Variants in PCSK6 observed in about 807,000 individuals in gnomAD.
PCSK6 encodes the protein paired basic amino acid cleaving enzyme 4.
Under a neutral mutation model 123.3 loss-of-function variants are expected in PCSK6, and 85 were observed. The ratio of observed to expected loss-of-function variants is 0.69; its 90% CI spans 0.58 to 0.83. The LOEUF is 0.83. Among genes scored for constraint, PCSK6 ranks in the 40% least tolerant of loss-of-function variants. The pLI is 0.00. For missense variants in PCSK6, 1,191 were observed against 1,282.3 expected, an observed-to-expected ratio of 0.93 and a Z score of 1.09; for synonymous variants, 508 against 516.0, an observed-to-expected ratio of 0.98 and a Z score of 0.21.
chr15:101,445,408 G>T (rs555894799), intron 1 of PCSK6, among the ~76,000 whole-genome samples: 5 of 152,196 alleles, frequency 3.3e-5, no homozygotes, highest in Non-Finnish European at 5.9e-5. Context: ...AGCTAGCAGA[G>T]ACCCAGCAGG....
chr15:101,364,424 A>G (rs1190386443), intron 13 of PCSK6, among the ~76,000 whole-genome samples: 1 of 152,228 alleles, frequency 6.6e-6, no homozygotes, highest in African/African-American at 2.4e-5. Context: ...CATTACCTAG[A>G]TCAGAGTTTG....
intron 13 of PCSK6, chr15:101,346,859 T>G (rs916754054): frequency 1.6e-6 from 2 of 1,231,724 alleles, no homozygotes; most frequent in East Asian, 6.3e-5. Flanking sequence ...TTCATAAATG[T>G]GCACAGCAGC....
chr15:101,311,524 T>C lies in PCSK6; in HGVS notation c.2699+1852A>G, dbSNP rs143981593. ...ACGCTGGGCAGATGCTGGCGCCATG[T>C]TTCCTATGAAGCCTACAGAACTGTG... On this transcript the variant is annotated intron_variant, in intron 20 of 21. Transcript: ENST00000611716. 8.5e-4 allele frequency among the ~76,000 whole-genome samples: 129 copies of C among 152,148 alleles called. 1 individual carries two copies. Among genetic ancestry groups the C allele is most frequent in the African/African-American group, 3.0e-3 (125 of 41,460 alleles).
At chr15:101,369,589 T>C (rs546532386) in intron 12 of PCSK6, among the ~76,000 whole-genome samples, 6 of 152,378 alleles carry the variant, frequency 3.9e-5, no homozygotes, top group African/African-American at 1.4e-4. Context: ...CTTTACTCTC[T>C]CTACCTCTTA....
intron 5 of PCSK6, among the ~76,000 whole-genome samples, chr15:101,429,030 C>T (rs1241369178): frequency 6.6e-6 from 1 of 152,200 alleles, no homozygotes; most frequent in East Asian, 1.9e-4. Context: ...ACTCCAGTGG[C>T]CGAGGCTTCC....
chr15:101,395,542 A>T (rs2042385342), intron 7 of PCSK6, among the ~76,000 whole-genome samples: 1 of 152,228 alleles, frequency 6.6e-6, no homozygotes, highest in South Asian at 2.1e-4. Flanking sequence ...AAATGAGGCG[A>T]GGAAACAGCC....
At chr15:101,347,018 G>A (rs757363564) in intron 13 of PCSK6, 3 of 1,231,590 alleles carry the variant, frequency 2.4e-6, no homozygotes, top group Non-Finnish European at 2.0e-6. Context: ...ATGCAAATGG[G>A]GTTAAAAATG....
chr15:101,324,228 G>T (rs904366724), intron 17 of PCSK6, among the ~76,000 whole-genome samples: 2 of 152,182 alleles, frequency 1.3e-5, no homozygotes, highest in Non-Finnish European at 2.9e-5. Flanking sequence ...TGAAATGCCC[G>T]GCAAAGACAA....
At chr15:101,357,612 C>G (rs947989920) in intron 13 of PCSK6, among the ~76,000 whole-genome samples, 1 of 152,258 alleles carries the variant, frequency 6.6e-6, no homozygotes, top group African/African-American at 2.4e-5. Flanking sequence ...TCCCTCTCCA[C>G]CCATGCACTG....
At chr15:101,449,321 AT>A (rs535327356) in intron 1 of PCSK6, among the ~76,000 whole-genome samples, 53 of 151,050 alleles carry the variant, frequency 3.5e-4, no homozygotes, top group Non-Finnish European at 6.3e-4. Flanking sequence ...TCCACCATAC[AT>A]TTTTTTTTCA....
intron 12 of PCSK6, among the ~76,000 whole-genome samples, chr15:101,368,064 C>T (rs1216696336): frequency 6.6e-6 from 1 of 152,238 alleles, no homozygotes; most frequent in Non-Finnish European, 1.5e-5. Context: ...GATCCACCCA[C>T]CTTGGCCCCT....
At chr15:101,401,481 C>T (rs1046601797) in intron 6 of PCSK6, among the ~76,000 whole-genome samples, 13 of 152,192 alleles carry the variant, frequency 8.5e-5, no homozygotes, top group South Asian at 2.1e-4. Flanking sequence ...GATGCCTCGA[C>T]GCCTGCTCCC....
chr15:101,478,784 G>C (rs2057795796), intron 1 of PCSK6, among the ~76,000 whole-genome samples: 1 of 152,188 alleles, frequency 6.6e-6, no homozygotes, highest in Non-Finnish European at 1.5e-5. Flanking sequence ...GAACCCAAAA[G>C]CAAGGTACCA....
chr15:101,468,612 T>A (rs2057524212), intron 1 of PCSK6, among the ~76,000 whole-genome samples: 1 of 152,170 alleles, frequency 6.6e-6, no homozygotes, highest in Admixed American at 6.5e-5. Flanking sequence ...ATTGTATGGC[T>A]CCTCCAAAAT....
intron 1 of PCSK6, among the ~76,000 whole-genome samples, chr15:101,482,400 C>A (rs1029772236): frequency 1.3e-4 from 20 of 152,202 alleles, no homozygotes; most frequent in Admixed American, 7.2e-4. Flanking sequence ...GGAGGCCAGC[C>A]ACCCAGGGCA....
rs10525638 is a variant in PCSK6 at position 101,392,593 on chromosome 15, C to CTTTTTTTTTTTTTTTTTT, written c.1209+618_1209+619insAAAAAAAAAAAAAAAAAA. Among the ~76,000 whole-genome samples the CTTTTTTTTTTTTTTTTTT allele has an allele frequency of 1.4e-3, 175 of 122,314 alleles. 5 individuals carry two copies. Among genetic ancestry groups the CTTTTTTTTTTTTTTTTTT allele is most frequent in the South Asian group, 3.0e-3 (12 of 3,966 alleles). The allele number at this position is 122,314 out of a possible 152,430, so 80.2% of individuals were successfully genotyped here. A position where few individuals can be genotyped will look rare whatever the true frequency, so the allele number is the denominator to read the frequency against. ...TTTGAACTGGAAACCCTCCCTTCCT[C>CTTTTTTTTTTTTTTTTTT]TTTTTTTTTTTTTTTTTAAGTAGGA... On this transcript the variant is annotated intron_variant, in intron 8 of 21. Coordinates refer to ENST00000611716, the MANE Select transcript of PCSK6 (RefSeq NM_002570.5).
chr15:101,364,204 C>A (rs2041320753), intron 13 of PCSK6, among the ~76,000 whole-genome samples: 1 of 152,126 alleles, frequency 6.6e-6, no homozygotes, highest in Non-Finnish European at 1.5e-5. Context: ...AAGCAGACTG[C>A]ATCTTCACAG....
chr15:101,376,279 T>G (rs1232592815), intron 11 of PCSK6, among the ~76,000 whole-genome samples: 1 of 152,050 alleles, frequency 6.6e-6, no homozygotes, highest in African/African-American at 2.4e-5. Flanking sequence ...TGTTGGTGAA[T>G]TCACTGTTTG....
intron 1 of PCSK6, among the ~76,000 whole-genome samples, chr15:101,453,400 C>T (rs1464416171): frequency 6.6e-6 from 1 of 152,196 alleles, no homozygotes; most frequent in Non-Finnish European, 1.5e-5. Context: ...CCACATCTCC[C>T]TGCTGCTCGC....
Sources: gnomAD v4.1 joint callset for allele counts (sites outside exome capture counted in the v4.1 genomes callset) on GRCh38, gnomAD v4.1.1 for gene constraint, MANE v1.5 for transcripts, NCBI Gene and HGNC (gene_info 2026-07-23, HGNC 2026-07-21) for gene names.